CDHR2: variants seen among roughly 807,000 people sequenced by gnomAD.
CDHR2 encodes the protein cadherin-related family member 2.
Under a neutral mutation model 138.6 loss-of-function variants are expected in CDHR2, and 104 were observed. The observed-to-expected ratio is 0.75, with a 90% CI of 0.64 to 0.88. The LOEUF (loss-of-function observed/expected upper bound fraction) is 0.88. Among genes scored for constraint, CDHR2 ranks in the 40% least tolerant of loss-of-function variants. The probability of loss-of-function intolerance (pLI) is 0.00; values close to 1 mark genes in which losing one functional copy is unlikely to be tolerated. For missense variants in CDHR2, 1,624 were observed against 1,727.6 expected, an observed-to-expected ratio of 0.94 and a Z score of 1.06; for synonymous variants, 755 against 742.8, an observed-to-expected ratio of 1.02 and a Z score of -0.27.
intron 3 of CDHR2, chr5:176,567,142 T>A (rs780105769): frequency 7.8e-6 from 3 of 382,240 alleles, no homozygotes; most frequent in Non-Finnish European, 1.6e-5. Context: ...GTCTATCCCA[T>A]GGAGGCTGGA....
At chr5:176,577,974 C>CA in intron 14 of CDHR2, 60 bp from the exon 15 acceptor site, 1 of 1,541,102 alleles carries the variant, frequency 6.5e-7, no homozygotes, top group Non-Finnish European at 8.9e-7. Flanking sequence ...CCACGAGCTG[C>CA]ATGGGTGGCG....
chr5:176,580,006 A>G (rs1230790467), intron 16 of CDHR2, among the ~76,000 whole-genome samples: 1 of 152,150 alleles, frequency 6.6e-6, no homozygotes, highest in East Asian at 1.9e-4. Context: ...AGGGAACGGA[A>G]CCTGCAAAGG....
intron 4 of CDHR2, 49 bp downstream of exon 4, chr5:176,568,866 G>A: frequency 6.2e-7 from 1 of 1,612,016 alleles, no homozygotes; most frequent in Non-Finnish European, 8.5e-7. Flanking sequence ...GGGGTGCTGG[G>A]AGGGCCCTGG....
chr5:176,585,760 G>A (rs1758643377), intron 19 of CDHR2, among the ~76,000 whole-genome samples, 194 bp from the exon 20 acceptor site: 1 of 152,098 alleles, frequency 6.6e-6, no homozygotes, highest in African/African-American at 2.4e-5. Flanking sequence ...GAACACATGG[G>A]AGAGAAGCTG....
chr5:176,569,054 C>G, intron 5 of CDHR2, 44 bp downstream of exon 5: 1 of 1,598,240 alleles, frequency 6.3e-7, no homozygotes, highest in African/African-American at 1.3e-5. Flanking sequence ...TTGCGAGAGT[C>G]CATTCCTGAT....
rs114445756 is a variant in CDHR2 at position 176,576,192 on chromosome 5, G to A, written c.1194+7G>A. 9.0e-3 allele frequency: 14,472 copies of A among 1,601,762 alleles called. 91 individuals are homozygous for A. The highest frequency in any genetic ancestry group is 0.011 in the Non-Finnish European group (12,902 of 1,173,790). On this transcript the variant is annotated splice_region_variant and intron_variant, in intron 12 of 31. Transcript: ENST00000261944. The surrounding 1 kb of genome is among the most constrained non-coding windows in gnomAD (Gnocchi z 4.5). ...GGTCTACGACCCGGACAAGGCAGGC[G>A]TGGTGGCGTGGGTGTGGGCGGGGGT...
At chr5:176,569,044 T>A in intron 5 of CDHR2, 34 bp downstream of exon 5, 3 of 1,610,390 alleles carry the variant, frequency 1.9e-6, no homozygotes, top group Non-Finnish European at 2.5e-6. Context: ...TAGACAGGGA[T>A]TGCGAGAGTC....
At chr5:176,565,280 G>A in intron 1 of CDHR2, 58 bp from the exon 2 acceptor site, 1 of 1,280,196 alleles carries the variant, frequency 7.8e-7, no homozygotes, top group Non-Finnish European at 1.1e-6. Context: ...GCAGATGGGA[G>A]TCTGCCAAAA....
chr5:176,567,829 C>A (rs565528976), intron 3 of CDHR2, among the ~76,000 whole-genome samples: 7 of 152,244 alleles, frequency 4.6e-5, no homozygotes, highest in Admixed American at 1.3e-4. Flanking sequence ...GGGGGTCTCG[C>A]TATGTGCCTA....
In CDHR2 at chr5:176,562,361, G is replaced by A. The variant is rs368139480; in HGVS notation, c.-15-2977G>A. 1.3e-4 allele frequency among the ~76,000 whole-genome samples: 20 copies of A among 151,978 alleles called. No individual in the cohort carries two copies. In the East Asian group the frequency reaches 3.9e-3, roughly 30 times the overall value. On this transcript the variant is annotated intron_variant, in intron 1 of 31. Transcript: ENST00000261944. ...TAGAGAGAAACAGAGGAGGCTGCAC[G>A]GATTGGACGTGGGCGTTCAGGAGAA...
chr5:176,591,112 C>CT (rs1758831208), intron 28 of CDHR2, 98 bp from the exon 29 acceptor site: 4 of 789,684 alleles, frequency 5.1e-6, no homozygotes, highest in Non-Finnish European at 8.6e-6. Flanking sequence ...AGCTAACACT[C>CT]ACCTCCCGGG....
intron 1 of CDHR2, among the ~76,000 whole-genome samples, chr5:176,563,234 G>C (rs1428566791): frequency 6.6e-6 from 1 of 152,156 alleles, no homozygotes; most frequent in Admixed American, 6.5e-5. Context: ...TGTAATCCCA[G>C]CTACTCGGGA....
At chr5:176,579,407 A>C (rs1356958397) in intron 16 of CDHR2, among the ~76,000 whole-genome samples, 1 of 152,238 alleles carries the variant, frequency 6.6e-6, no homozygotes, top group Non-Finnish European at 1.5e-5. Context: ...TTACACAGCC[A>C]GTAAATGATG....
chr5:176,561,190 T>C (rs2113270686), intron 1 of CDHR2, among the ~76,000 whole-genome samples: 1 of 152,282 alleles, frequency 6.6e-6, no homozygotes, highest in South Asian at 2.1e-4. Flanking sequence ...CTGGTGTAGG[T>C]GCTGTTATTA....
At position 176,575,178 on chromosome 5, in the gene CDHR2, G is replaced by T. The variant is rs753645132; in HGVS notation, c.590G>T (p.Ser197Ile). The change falls in exon 8 of 32, where the codon AGC (serine) becomes ATC (isoleucine). Residue 197 changes from serine to isoleucine, a missense_variant. Coordinates refer to ENST00000261944, the MANE Select transcript of CDHR2 (RefSeq NM_017675.6). ...GGCAGCCTCAGCTACAACAACAAGAGCGCTTTCTACCAGCTGGAGCTGAAG... is the reference window on the plus strand; with the variant it reads ...GGCAGCCTCAGCTACAACAACAAGATCGCTTTCTACCAGCTGGAGCTGAAG... ...LNGSLSYNNK[S>I]AFYQLELKAC... 6.2e-7 allele frequency: 1 copy of T among 1,614,094 alleles called. No homozygotes were observed. Among genetic ancestry groups the T allele is most frequent in the African/African-American group, 1.3e-5 (1 of 74,942 alleles).
At chr5:176,566,397 C>G (rs1217481822) in intron 3 of CDHR2, among the ~76,000 whole-genome samples, 2 of 152,154 alleles carry the variant, frequency 1.3e-5, no homozygotes, top group African/African-American at 4.8e-5. Context: ...TTGGAAGGAG[C>G]CAGGGGGCCT....
rs376879142 is a variant in CDHR2, at chr5:176,590,494, G to A, written c.3414+9G>A. On this transcript the variant is annotated intron_variant, in intron 27 of 31. Coordinates refer to ENST00000261944, the MANE Select transcript of CDHR2 (RefSeq NM_017675.6). ...TGGGGCTGGTGGTGCTGGTGAGTGC[G>A]GGCAGGGCGGGGCAGCAGGTGGGGC... The A allele has an allele frequency of 2.6e-5, 42 of 1,613,954 alleles. No individual in the cohort carries two copies. The highest frequency in any genetic ancestry group is 2.4e-4 in the African/African-American group (18 of 75,008).
intron 18 of CDHR2, 70 bp from the exon 19 acceptor site, chr5:176,584,340 G>A (rs550929491): frequency 1.9e-6 from 3 of 1,613,580 alleles, no homozygotes; most frequent in South Asian, 2.2e-5. Flanking sequence ...AGTTCCAAGA[G>A]AGGCAAGGGC....
chr5:176,595,789 C>A lies in CDHR2; in HGVS notation c.*117C>A. Reference sequence around the variant, plus strand: ...CCTGCCTCCTGCTTTTGGCCAATCACGGCAGACAGGGGTTGGGGAAATATT... The same window carrying A: ...CCTGCCTCCTGCTTTTGGCCAATCAAGGCAGACAGGGGTTGGGGAAATATT... On this transcript the variant is annotated 3_prime_UTR_variant, in exon 32 of 32. Transcript: ENST00000261944. 2.0e-6 allele frequency: 2 copies of A among 1,017,746 alleles called. No homozygotes were observed. The highest frequency in any genetic ancestry group is 2.7e-6 in the Non-Finnish European group (2 of 727,900). The allele number at this position is 1,017,746 out of a possible 1,614,324, so 63.0% of individuals were successfully genotyped here. A position where few individuals can be genotyped will look rare whatever the true frequency, so the allele number is the denominator to read the frequency against.
Sources: allele counts gnomAD v4.1 joint callset (sites outside exome capture counted in the v4.1 genomes callset), GRCh38; gene constraint gnomAD v4.1.1; non-coding constraint Gnocchi (gnomAD v3.1); transcripts MANE v1.5; gene names NCBI Gene and HGNC (gene_info 2026-07-23, HGNC 2026-07-21).